DHRS7B: variants seen among roughly 807,000 people sequenced by gnomAD.
DHRS7B encodes peroxisomal reductase activating PPAR-gamma.
DHRS7B carries 24 observed loss-of-function variants against 26.4 expected under a neutral mutation model. The observed-to-expected ratio is 0.91, with a 90% confidence interval of 0.66 to 1.28. DHRS7B has a LOEUF of 1.28. Among genes scored for constraint, DHRS7B ranks in the 50% most tolerant of loss-of-function variants. The pLI is 0.00. For synonymous variants in DHRS7B, 142 were observed against 166.4 expected (o/e 0.85, Z 1.13); for missense variants, 368 against 419.4 (o/e 0.88, Z 1.07).
In DHRS7B at chr17:21,191,246, A is replaced by G. The variant is rs1475483166; in HGVS notation, c.*93A>G. ...GTTGCATTTGTTGAGACTTTAATGG[A>G]GATTTGTCTCACAAGTGGGAAAGAC... On this transcript the variant is annotated 3_prime_UTR_variant, in exon 7 of 7. Coordinates refer to ENST00000395511, the MANE Select transcript of DHRS7B (RefSeq NM_015510.5). 1 of 1,326,632 alleles carries G rather than the reference A, an allele frequency of 7.5e-7. No individual in the cohort carries two copies. Among genetic ancestry groups the G allele is most frequent in the Admixed American group, 1.9e-5 (1 of 51,586 alleles). 82.2% of individuals were successfully genotyped at this position (1,326,632 alleles called of 1,614,324 possible).
At position 21,140,022 on chromosome 17, in the gene DHRS7B, C is replaced by T. The variant is rs868395189; in HGVS notation, c.20+13031C>T. ...TTTTTTCCTATCAGACTTTCAGATT[C>T]TTTTTTTTTTTTTTTTTTTTGAGAC... is the stretch of plus-strand genomic sequence containing the variant. On this transcript the variant is annotated intron_variant, in intron 1 of 6. Transcript: ENST00000395511. 6.2e-3 allele frequency among the ~76,000 whole-genome samples: 661 copies of T among 106,570 alleles called. 1 individual carries two copies. The highest frequency in any genetic ancestry group is 7.2e-3 in the South Asian group (22 of 3,066). The allele number at this position is 106,570 out of a possible 152,430, so 69.9% of individuals were successfully genotyped here. A position where few individuals can be genotyped will look rare whatever the true frequency, so the allele number is the denominator to read the frequency against.
intron 1 of DHRS7B, among the ~76,000 whole-genome samples, chr17:21,155,520 T>TC (rs1167073105): frequency 6.6e-6 from 1 of 152,194 alleles, no homozygotes; most frequent in Non-Finnish European, 1.5e-5. Flanking sequence ...AAGAGATGAA[T>TC]CCACTATTGT....
intron 1 of DHRS7B, among the ~76,000 whole-genome samples, chr17:21,132,349 AT>A (rs67592703): frequency 0.095 from 10,673 of 111,912 alleles, 380 homozygotes; most frequent in African/African-American, 0.13. Flanking sequence ...AAAAAAAAAA[AT>A]ATATATATAT....
intron 1 of DHRS7B, among the ~76,000 whole-genome samples, chr17:21,135,233 C>T (rs1973316683): frequency 6.6e-6 from 1 of 152,104 alleles, no homozygotes; most frequent in Non-Finnish European, 1.5e-5. Context: ...GGAACACATA[C>T]CAATAACATA....
chr17:21,189,652 C>G (rs1974732405), intron 6 of DHRS7B, among the ~76,000 whole-genome samples: 1 of 152,246 alleles, frequency 6.6e-6, no homozygotes, highest in South Asian at 2.1e-4. Flanking sequence ...AGCAGCTGCT[C>G]TCTCACACAG....
In DHRS7B at chr17:21,175,926, C is replaced by CA. The variant is rs60913350; in HGVS notation, c.200-2288dup. ...CTGGGTGCAGAGCGAGACCCTGTATCAAAAAAAAAAAAAAAAAAAGTAAAA... is the reference window on the plus strand; with the variant it reads ...CTGGGTGCAGAGCGAGACCCTGTATCAAAAAAAAAAAAAAAAAAAAGTAAAA... On this transcript the variant is annotated intron_variant, in intron 2 of 6. Transcript: ENST00000395511. 3.2e-3 allele frequency among the ~76,000 whole-genome samples: 404 copies of CA among 126,198 alleles called. 1 individual carries two copies. Among genetic ancestry groups the CA allele is most frequent in the African/African-American group, 7.3e-3 (237 of 32,434 alleles). 82.8% of individuals were successfully genotyped at this position (126,198 alleles called of 152,430 possible). A position where few individuals can be genotyped will look rare whatever the true frequency, so the allele number is the denominator to read the frequency against.
At chr17:21,187,439 CAT>C (rs1346990168) in intron 5 of DHRS7B, among the ~76,000 whole-genome samples, 1 of 151,906 alleles carries the variant, frequency 6.6e-6, no homozygotes, top group Non-Finnish European at 1.5e-5. Context: ...TCCTGGCTAA[CAT>C]AGTGAAACCC....
At chr17:21,178,873 G>A (rs1226346535) in intron 3 of DHRS7B, among the ~76,000 whole-genome samples, 1 of 151,996 alleles carries the variant, frequency 6.6e-6, no homozygotes, top group Non-Finnish European at 1.5e-5. Flanking sequence ...TGACCAGGCT[G>A]GACTCCTGAT....
chr17:21,181,424 C>G (rs1486877318), intron 3 of DHRS7B, among the ~76,000 whole-genome samples: 1 of 152,192 alleles, frequency 6.6e-6, no homozygotes, highest in Non-Finnish European at 1.5e-5. Flanking sequence ...TTTTCAAAGT[C>G]TGGAGGCTGA....
chr17:21,169,842 ACTAT>A (rs2144109901), intron 1 of DHRS7B, among the ~76,000 whole-genome samples: 1 of 152,046 alleles, frequency 6.6e-6, no homozygotes, highest in Admixed American at 6.5e-5. Context: ...GCTGAGCCCT[ACTAT>A]CCTTCCCTGA....
chr17:21,149,727 T>A (rs1031374791), intron 1 of DHRS7B, among the ~76,000 whole-genome samples: 3 of 152,222 alleles, frequency 2.0e-5, no homozygotes, highest in Non-Finnish European at 2.9e-5. Context: ...ATCTGTGAGA[T>A]ATTTTTTTGT....
intron 1 of DHRS7B, among the ~76,000 whole-genome samples, chr17:21,152,315 T>C (rs536084894): frequency 3.3e-5 from 5 of 152,046 alleles, no homozygotes; most frequent in Admixed American, 3.3e-4. Flanking sequence ...CCACCACACC[T>C]GCCTTATTTT....
intron 1 of DHRS7B, among the ~76,000 whole-genome samples, chr17:21,163,925 G>T (rs1188191134): frequency 6.6e-6 from 1 of 151,880 alleles, no homozygotes; most frequent in Non-Finnish European, 1.5e-5. Flanking sequence ...CTGAGCTCAA[G>T]TGATCCTCCT....
Position 21,178,305 on chromosome 17 carries a change from A to T in DHRS7B, c.272A>T (p.Glu91Val), listed in dbSNP as rs1974430799. The T allele has an allele frequency of 6.2e-7, 1 of 1,614,084 alleles. No homozygotes were observed. The highest frequency in any genetic ancestry group is 1.3e-5 in the African/African-American group (1 of 75,020). ...LCGRNGGALE[E>V]LIRELTASHA... ...GGCCGGAATGGTGGGGCCCTAGAAG[A>T]GCTCATCAGAGAACTCACCGCTTCT... The change falls in exon 3 of 7, where the codon GAG becomes GTG. Residue 91 changes from glutamate (E) to valine (V), a missense_variant. By Grantham distance (121) the Glu-to-Val change is moderately radical. Transcript: ENST00000395511.
intron 1 of DHRS7B, among the ~76,000 whole-genome samples, chr17:21,161,854 C>T (rs979119287): frequency 2.0e-5 from 3 of 152,022 alleles, no homozygotes; most frequent in African/African-American, 7.3e-5. Context: ...ACTTTGCTTC[C>T]CAGTCAGTTC....
chr17:21,177,697 C>T (rs1974414878), intron 2 of DHRS7B, among the ~76,000 whole-genome samples: 1 of 152,230 alleles, frequency 6.6e-6, no homozygotes, highest in African/African-American at 2.4e-5. Context: ...CCTTCAGGCA[C>T]TCTGCTCCCT....
chr17:21,132,544 A>AAG (rs1555535773), intron 1 of DHRS7B, among the ~76,000 whole-genome samples: 2 of 147,314 alleles, frequency 1.4e-5, no homozygotes, highest in Non-Finnish European at 3.0e-5. Context: ...AAAAAAAAAA[A>AAG]AAAAACAAAA....
At position 21,168,225 on chromosome 17, in the gene DHRS7B, C is replaced by T. The variant is rs77810270; in HGVS notation, c.21-3793C>T. 2.0e-3 allele frequency among the ~76,000 whole-genome samples: 304 copies of T among 152,254 alleles called. 12 individuals are homozygous for T. The East Asian group carries it at 0.045, about 22-fold the overall frequency. ...GAGTTTGAAAAACTCTGGAAAGAGT[C>T]GGGATTATCAATATGAACAACTTCA... On this transcript the variant is annotated intron_variant, in intron 1 of 6. Coordinates refer to ENST00000395511, the MANE Select transcript of DHRS7B (RefSeq NM_015510.5).
chr17:21,170,325 C>T (rs1974210569), intron 1 of DHRS7B, among the ~76,000 whole-genome samples: 1 of 152,170 alleles, frequency 6.6e-6, no homozygotes, highest in Admixed American at 6.5e-5. Context: ...TCTCAGATTC[C>T]ACACAAAGGG....
Sources: gnomAD v4.1 joint callset for allele counts (sites outside exome capture counted in the v4.1 genomes callset) on GRCh38, gnomAD v4.1.1 for gene constraint, MANE v1.5 for transcripts, NCBI Gene and HGNC (gene_info 2026-07-23, HGNC 2026-07-21) for gene names.